The following TMEM135 variants were observed in gnomAD, a reference collection of about 807,000 sequenced individuals.
The protein encoded by TMEM135 is transmembrane protein 135, also known as peroxisomal membrane protein 52.
Under a neutral mutation model 60.3 loss-of-function variants are expected in TMEM135, and 30 were observed. That is an observed-to-expected ratio of 0.50 (90% CI 0.37 to 0.68). The LOEUF (loss-of-function observed/expected upper bound fraction) is 0.68. TMEM135 is among the 30% of genes least tolerant of loss of function. TMEM135 has a pLI of 0.00. For missense variants in TMEM135, 468 were observed against 548.8 expected (o/e 0.85, Z 1.47); for synonymous variants, 190 against 186.7 (o/e 1.02, Z -0.14).
intron 1 of TMEM135, among the ~76,000 whole-genome samples, chr11:87,058,671 G>A (rs1590985859): frequency 2.0e-5 from 3 of 152,262 alleles, no homozygotes; most frequent in African/African-American, 7.2e-5. Context: ...CGAGGCTGGA[G>A]TGCAGTGGCG....
At chr11:87,240,528 C>T (rs1227562078) in intron 6 of TMEM135, among the ~76,000 whole-genome samples, 1 of 83,336 alleles carries the variant, frequency 1.2e-5, no homozygotes, top group Non-Finnish European at 3.0e-5. Flanking sequence ...TCCCAACAGT[C>T]ATGTAGAAAA....
chr11:87,163,861 C>T (rs1938960903), intron 5 of TMEM135, among the ~76,000 whole-genome samples: 1 of 143,664 alleles, frequency 7.0e-6, no homozygotes, highest in African/African-American at 2.6e-5. Context: ...TGTTCATGTC[C>T]TTCGCCCACT....
chr11:87,262,488 A>G lies in TMEM135; in HGVS notation c.509+25804A>G, dbSNP rs1565146713. 2.0e-5 allele frequency among the ~76,000 whole-genome samples: 3 copies of G among 152,160 alleles called. No homozygotes were observed. In the South Asian group the frequency reaches 6.2e-4, roughly 32 times the overall value. On this transcript the variant is annotated intron_variant, in intron 6 of 14. Transcript: ENST00000305494. ...GTACTTTGAGGTGGAACACCTTTTC[A>G]TTGGTTTATTAGCCATTTCGATTTC...
At chr11:87,317,500 G>T (rs1942753568) in intron 12 of TMEM135, among the ~76,000 whole-genome samples, 1 of 152,006 alleles carries the variant, frequency 6.6e-6, no homozygotes, top group East Asian at 1.9e-4. Flanking sequence ...GGATTGATTT[G>T]TATGTAAAGT....
Position 87,315,146 on chromosome 11 carries a change from TTCC to T in TMEM135, c.1077+620_1077+622del, listed in dbSNP as rs58849661. Among the ~76,000 whole-genome samples the T allele has an allele frequency of 8.8e-4, 133 of 151,328 alleles. 2 individuals carry two copies. The East Asian group carries it at 0.013, about 15-fold the overall frequency. The stretch of plus-strand genomic sequence containing the variant: ...CCTACTACTGCTGCTACTGCTTTTC[TTCC>T]TCCTCCTCCTCCTCCTCCTCTTCCT... On this transcript the variant is annotated intron_variant, in intron 12 of 14. Coordinates refer to ENST00000305494, the MANE Select transcript of TMEM135 (RefSeq NM_022918.4).
At chr11:87,239,034 G>A (rs540388592) in intron 6 of TMEM135, among the ~76,000 whole-genome samples, 2 of 152,070 alleles carry the variant, frequency 1.3e-5, no homozygotes, top group South Asian at 4.2e-4. Flanking sequence ...TATAGCATGG[G>A]TCTAGGAAAT....
chr11:87,054,760 G>T (rs12223784), intron 1 of TMEM135, among the ~76,000 whole-genome samples: 13,064 of 151,982 alleles, frequency 0.086, 624 homozygotes, highest in East Asian at 0.17. Flanking sequence ...GATTAGATTC[G>T]ATTTTTAAAC....
At chr11:87,250,439 G>A (rs1004441796) in intron 6 of TMEM135, among the ~76,000 whole-genome samples, 3 of 151,732 alleles carry the variant, frequency 2.0e-5, no homozygotes, top group African/African-American at 7.3e-5. Flanking sequence ...TTTTCTCTTA[G>A]TATTGCTTTC....
chr11:87,271,453 A>C (rs943227021), intron 6 of TMEM135, among the ~76,000 whole-genome samples: 1 of 152,242 alleles, frequency 6.6e-6, no homozygotes, highest in Non-Finnish European at 1.5e-5. Flanking sequence ...TATGGTAGCC[A>C]CTAGCACATA....
chr11:87,078,608 C>CT (rs1017079446), intron 3 of TMEM135, among the ~76,000 whole-genome samples: 3 of 151,530 alleles, frequency 2.0e-5, no homozygotes, highest in Admixed American at 1.3e-4. Flanking sequence ...TTTTTTCTTT[C>CT]TTTTTTTTAT....
chr11:87,177,902 A>T (rs1291168399), intron 5 of TMEM135, among the ~76,000 whole-genome samples: 1 of 152,148 alleles, frequency 6.6e-6, no homozygotes, highest in African/African-American at 2.4e-5. Context: ...TGACTCACAG[A>T]GCTCACTAAA....
chr11:87,045,401 G>A (rs1949787370), intron 1 of TMEM135, among the ~76,000 whole-genome samples: 1 of 152,092 alleles, frequency 6.6e-6, no homozygotes, highest in Non-Finnish European at 1.5e-5. Flanking sequence ...ACAGCCTCTA[G>A]CATGTCGCTT....
chr11:87,248,014 C>A (rs1941326993), intron 6 of TMEM135, among the ~76,000 whole-genome samples: 1 of 81,884 alleles, frequency 1.2e-5, no homozygotes, highest in Non-Finnish European at 2.9e-5. Context: ...AGCTTGATAG[C>A]CTTTTTAAAA....
At position 87,327,802 on chromosome 11, in the gene TMEM135, C is replaced by T. The variant is rs905945519; in HGVS notation, c.*6469C>T. ...AGTGATAGTTTTAAGTCCTGGAGTC[C>T]CAAGGTTAGAGGATCTGGGGTCCTA... On this transcript the variant is annotated 3_prime_UTR_variant, in exon 15 of 15. Coordinates refer to ENST00000305494, the MANE Select transcript of TMEM135 (RefSeq NM_022918.4). The T allele has an allele frequency of 1.3e-5, 6 of 453,772 alleles. No individual in the cohort carries two copies. The highest frequency in any genetic ancestry group is 1.0e-4 in the African/African-American group (5 of 49,908). The allele number at this position is 453,772 out of a possible 1,614,324, so 28.1% of individuals were successfully genotyped here.
chr11:87,193,521 A>G (rs891804452), intron 5 of TMEM135, among the ~76,000 whole-genome samples: 6 of 152,078 alleles, frequency 3.9e-5, no homozygotes, highest in Non-Finnish European at 8.8e-5. Flanking sequence ...TTAATTTGGT[A>G]GTGAGAATTG....
chr11:87,214,725 A>G (rs576507117), intron 5 of TMEM135, among the ~76,000 whole-genome samples: 4 of 152,350 alleles, frequency 2.6e-5, no homozygotes, highest in Admixed American at 6.5e-5. Flanking sequence ...ATGGGAAGGA[A>G]AAACTGAAGC....
intron 4 of TMEM135, among the ~76,000 whole-genome samples, chr11:87,134,029 T>TCCC (rs1938015984): frequency 7.0e-6 from 1 of 142,056 alleles, no homozygotes; most frequent in African/African-American, 2.7e-5. Flanking sequence ...TTTTTTTTTT[T>TCCC]CCCTAGGGGT....
chr11:87,092,921 T>C (rs1857241933), intron 4 of TMEM135, among the ~76,000 whole-genome samples: 1 of 110,050 alleles, frequency 9.1e-6, no homozygotes, highest in Non-Finnish European at 1.9e-5. Flanking sequence ...TACTAGGATA[T>C]AGATTTATTT....
intron 4 of TMEM135, chr11:87,121,570 T>TAAA (rs766841247): frequency 4.6e-5 from 7 of 151,372 alleles, no homozygotes; most frequent in Non-Finnish European, 1.0e-4. Context: ...TATTAATTTT[T>TAAA]AAAAAATTAG....
Sources: allele counts gnomAD v4.1 joint callset (sites outside exome capture counted in the v4.1 genomes callset), GRCh38; gene constraint gnomAD v4.1.1; transcripts MANE v1.5; gene names NCBI Gene and HGNC (gene_info 2026-07-23, HGNC 2026-07-21).